Variants in SETDB2 observed in about 807,000 individuals in gnomAD.
SETDB2 encodes SET domain bifurcated histone lysine methyltransferase 2, also known as histone-lysine N-methyltransferase SETDB2.
SETDB2 carries 56 observed loss-of-function variants against 82.5 expected under a neutral mutation model. The observed-to-expected ratio is 0.68, with a 90% CI of 0.55 to 0.85. SETDB2 has a LOEUF of 0.85. Among genes scored for constraint, SETDB2 ranks in the 40% least tolerant of loss-of-function variants. The pLI is 0.00. For synonymous variants in SETDB2, 272 were observed against 284.9 expected, an observed-to-expected ratio of 0.95 and a Z score of 0.46; for missense variants, 677 against 816.4, an observed-to-expected ratio of 0.83 and a Z score of 2.08.
At chr13:49,452,004 G>T in intron 2 of SETDB2, 95 bp downstream of exon 2, 1 of 886,632 alleles carries the variant, frequency 1.1e-6, no homozygotes, top group Non-Finnish European at 1.6e-6. Context: ...GTTTTGCATT[G>T]CGAGGAACTT....
intron 10 of SETDB2, among the ~76,000 whole-genome samples, chr13:49,484,051 A>G (rs1958540977): frequency 6.6e-6 from 1 of 152,108 alleles, no homozygotes; most frequent in Non-Finnish European, 1.5e-5. Context: ...TGCTAGGACC[A>G]TGTTCTGTTT....
At chr13:49,447,372 CTT>C (rs1957709442) in intron 1 of SETDB2, among the ~76,000 whole-genome samples, 1 of 152,052 alleles carries the variant, frequency 6.6e-6, no homozygotes, top group Non-Finnish European at 1.5e-5. Flanking sequence ...CTTTAGGCCT[CTT>C]TTTATCTTAC....
chr13:49,486,831 G>T (rs966495890), intron 11 of SETDB2, among the ~76,000 whole-genome samples: 8 of 152,168 alleles, frequency 5.3e-5, no homozygotes, highest in African/African-American at 1.9e-4. Context: ...AGACATTGCT[G>T]AGAGATATCC....
chr13:49,464,432 A>C (rs906776104), intron 4 of SETDB2, among the ~76,000 whole-genome samples: 1 of 152,220 alleles, frequency 6.6e-6, no homozygotes, highest in Non-Finnish European at 1.5e-5. Flanking sequence ...GATTATATTT[A>C]GTTTTGCAAG....
intron 2 of SETDB2, among the ~76,000 whole-genome samples, chr13:49,456,658 C>A (rs568355380): frequency 5.3e-5 from 8 of 151,934 alleles, no homozygotes; most frequent in Non-Finnish European, 1.0e-4. Flanking sequence ...CATACAATGC[C>A]GAAAGAAGTG....
chr13:49,482,674 T>C, intron 8 of SETDB2, 63 bp from the exon 9 acceptor site: 1 of 1,033,094 alleles, frequency 9.7e-7, no homozygotes, highest in East Asian at 2.4e-5. Flanking sequence ...GAAATAGAGA[T>C]GTCTGTTTAT....
At chr13:49,477,343 G>A (rs1958388458) in intron 6 of SETDB2, among the ~76,000 whole-genome samples, 1 of 152,098 alleles carries the variant, frequency 6.6e-6, no homozygotes, top group African/African-American at 2.4e-5. Flanking sequence ...GGCTGGGGTG[G>A]GAGATCTGCT....
intron 6 of SETDB2, among the ~76,000 whole-genome samples, chr13:49,479,035 A>T (rs1958426025): frequency 6.6e-6 from 1 of 152,242 alleles, no homozygotes; most frequent in South Asian, 2.1e-4. Context: ...TCTCAAAAAC[A>T]TTATATTGAA....
intron 2 of SETDB2, 150 bp downstream of exon 2, chr13:49,452,059 A>G: frequency 2.1e-6 from 1 of 487,052 alleles, no homozygotes; most frequent in Non-Finnish European, 3.5e-6. Flanking sequence ...TATAGCCACC[A>G]ATTTTGACTG....
chr13:49,487,410 A>C (rs1024809730), intron 11 of SETDB2, among the ~76,000 whole-genome samples: 2 of 152,076 alleles, frequency 1.3e-5, no homozygotes, highest in African/African-American at 4.8e-5. Flanking sequence ...ATCATAGCTC[A>C]CTGTACCTTC....
At chr13:49,472,246 G>T (rs1050668871) in intron 5 of SETDB2, among the ~76,000 whole-genome samples, 2 of 152,056 alleles carry the variant, frequency 1.3e-5, no homozygotes, top group Non-Finnish European at 2.9e-5. Context: ...GTCTTTAGAT[G>T]AATACAGTAT....
chr13:49,456,289 A>G (rs1185514896), intron 2 of SETDB2, among the ~76,000 whole-genome samples: 1 of 152,120 alleles, frequency 6.6e-6, no homozygotes, highest in Non-Finnish European at 1.5e-5. Flanking sequence ...TGGCTAGCAA[A>G]TGAATTCAGA....
intron 2 of SETDB2, 31 bp from the exon 3 acceptor site, chr13:49,460,076 C>A: frequency 6.3e-7 from 1 of 1,598,174 alleles, no homozygotes; most frequent in South Asian, 1.1e-5. Flanking sequence ...TTTCTATTAG[C>A]TCTTAGGCTA....
chr13:49,481,154 G>A (rs1466605704), intron 8 of SETDB2, 38 bp downstream of exon 8: 18 of 1,582,964 alleles, frequency 1.1e-5, no homozygotes, highest in South Asian at 2.3e-5. Context: ...TTCTAGAGTA[G>A]AATCCACTTT....
At chr13:49,454,781 G>A (rs1211325010) in intron 2 of SETDB2, among the ~76,000 whole-genome samples, 1 of 152,080 alleles carries the variant, frequency 6.6e-6, no homozygotes, top group African/African-American at 2.4e-5. Flanking sequence ...TAGTTTCGGT[G>A]CCTTTAACAT....
In SETDB2 at chr13:49,461,263, A is replaced by G. The variant is rs895794851; in HGVS notation, c.208+101A>G. ...TTGGGCTAATTAAAGATAATTTAAA[A>G]TAAAATCTAACATCCACATTTCTAA... On this transcript the variant is annotated intron_variant, in intron 4 of 13. Transcript: ENST00000611815. 1.0e-4 allele frequency: 76 copies of G among 759,858 alleles called. No individual in the cohort carries two copies. In the East Asian group the frequency reaches 1.8e-3, roughly 18 times the overall value. The allele number at this position is 759,858 out of a possible 1,614,324, so 47.1% of individuals were successfully genotyped here. A position where few individuals can be genotyped will look rare whatever the true frequency, so the allele number is the denominator to read the frequency against.
intron 2 of SETDB2, among the ~76,000 whole-genome samples, chr13:49,455,334 G>A (rs916183283): frequency 2.0e-5 from 3 of 152,146 alleles, no homozygotes; most frequent in Admixed American, 6.5e-5. Context: ...GTTAGTTGGA[G>A]TGTGGAGTCT....
chr13:49,460,063 AT>A, intron 2 of SETDB2, 43 bp from the exon 3 acceptor site: 1 of 1,574,818 alleles, frequency 6.3e-7, no homozygotes, highest in South Asian at 1.2e-5. Context: ...AAATTATAGT[AT>A]TTTTCTATTA....
intron 5 of SETDB2, among the ~76,000 whole-genome samples, chr13:49,471,935 T>TATATATA (rs561242564): frequency 0.028 from 2,803 of 99,300 alleles, 45 homozygotes; most frequent in East Asian, 0.09. Context: ...TATATATATA[T>TATATATA]TTTTTTTTTT....
Sources: allele counts gnomAD v4.1 joint callset (sites outside exome capture counted in the v4.1 genomes callset), GRCh38; gene constraint gnomAD v4.1.1; transcripts MANE v1.5; gene names NCBI Gene and HGNC (gene_info 2026-07-23, HGNC 2026-07-21).